ESR1: variants seen among roughly 807,000 people sequenced by gnomAD.
ESR1 encodes the protein estrogen receptor 1.
Under a neutral mutation model 52.7 loss-of-function variants are expected in ESR1, and 12 were observed. That is an observed-to-expected ratio of 0.23 (90% CI 0.15 to 0.37). ESR1 has a LOEUF of 0.37. Among genes scored for constraint, ESR1 ranks in the 10% least tolerant of loss-of-function variants. The probability of loss-of-function intolerance (pLI) is 1.00; values close to 1 mark genes in which losing one functional copy is unlikely to be tolerated. For missense variants in ESR1, 584 were observed against 779.7 expected, an observed-to-expected ratio of 0.75 and a Z score of 2.99; for synonymous variants, 305 against 316.8, an observed-to-expected ratio of 0.96 and a Z score of 0.39.
At chr6:151,705,540 C>A (rs957196869) in intron 2 of ESR1, among the ~76,000 whole-genome samples, 2 of 152,126 alleles carry the variant, frequency 1.3e-5, no homozygotes, top group Admixed American at 1.3e-4. Context: ...CATGAATAAT[C>A]AAGAACTGAC....
intron 5 of ESR1, among the ~76,000 whole-genome samples, chr6:152,056,574 G>A (rs35508695): frequency 0.053 from 8,093 of 152,232 alleles, 291 homozygotes; most frequent in South Asian, 0.096. Flanking sequence ...TGAAAAACAG[G>A]CTTTTATTTT....
intron 5 of ESR1, among the ~76,000 whole-genome samples, chr6:152,034,526 A>T (rs534858612): frequency 1.8e-4 from 27 of 151,738 alleles, no homozygotes; most frequent in Non-Finnish European, 2.8e-4. Context: ...CTATGTTCTG[A>T]ATGTTTTTCC....
chr6:151,727,660 A>G (rs574041211), intron 2 of ESR1, among the ~76,000 whole-genome samples: 32 of 152,084 alleles, frequency 2.1e-4, no homozygotes, highest in Non-Finnish European at 3.7e-4. Context: ...TCCCACCCAA[A>G]TCTCATCTTG....
chr6:151,861,595 C>T (rs956893430), intron 2 of ESR1, among the ~76,000 whole-genome samples: 9 of 152,124 alleles, frequency 5.9e-5, no homozygotes, highest in Non-Finnish European at 8.8e-5. Flanking sequence ...GAGGTGACCA[C>T]GTTCACTGCA....
At chr6:152,066,080 G>A (rs2047941087) in intron 6 of ESR1, among the ~76,000 whole-genome samples, 1 of 152,192 alleles carries the variant, frequency 6.6e-6, no homozygotes, top group Non-Finnish European at 1.5e-5. Context: ...GCCAGCTGCT[G>A]TCTGCCATAT....
At chr6:151,795,527 T>C (rs2128136254) in intron 2 of ESR1, among the ~76,000 whole-genome samples, 1 of 151,652 alleles carries the variant, frequency 6.6e-6, no homozygotes, top group East Asian at 1.9e-4. Context: ...GATAGATTAC[T>C]TGGCCTCAAT....
At chr6:151,735,103 A>G (rs1782545357) in intron 2 of ESR1, among the ~76,000 whole-genome samples, 2 of 152,194 alleles carry the variant, frequency 1.3e-5, no homozygotes, top group African/African-American at 2.4e-5. Context: ...CAAGGATGCT[A>G]TCTTTCATGG....
chr6:151,922,475 A>C (rs1403435545), intron 3 of ESR1, among the ~76,000 whole-genome samples: 1 of 152,138 alleles, frequency 6.6e-6, no homozygotes, highest in Non-Finnish European at 1.5e-5. Context: ...GAACCCATGA[A>C]TATTTATGCT....
At chr6:151,949,605 G>A (rs1451337592) in intron 4 of ESR1, among the ~76,000 whole-genome samples, 1 of 152,214 alleles carries the variant, frequency 6.6e-6, no homozygotes, top group Non-Finnish European at 1.5e-5. Flanking sequence ...CTTAGGATTG[G>A]GCTGGAATCG....
intron 3 of ESR1, among the ~76,000 whole-genome samples, chr6:151,898,858 T>G (rs1795995890): frequency 6.6e-6 from 1 of 152,204 alleles, no homozygotes; most frequent in Admixed American, 6.5e-5. Flanking sequence ...CTTTCCCCCC[T>G]TTCTATTCCA....
At chr6:151,816,369 A>C (rs1779649100) in intron 1 of ESR1, among the ~76,000 whole-genome samples, 1 of 152,202 alleles carries the variant, frequency 6.6e-6, no homozygotes, top group Non-Finnish European at 1.5e-5. Context: ...AGTTGTCATC[A>C]CTGGCAAATT....
chr6:152,120,643 G>A (rs2051298887), intron 6 of ESR1, among the ~76,000 whole-genome samples: 2 of 152,148 alleles, frequency 1.3e-5, no homozygotes, highest in South Asian at 4.1e-4. Context: ...AGTTAAGGAA[G>A]CAGAGGGCAG....
chr6:152,063,160 C>T (rs138776372), intron 6 of ESR1, among the ~76,000 whole-genome samples: 2 of 152,296 alleles, frequency 1.3e-5, no homozygotes, highest in African/African-American at 4.8e-5. Flanking sequence ...TTTCATACTC[C>T]ATCCTTGTTC....
At chr6:151,956,880 AAAAT>A (rs1562594476) in intron 4 of ESR1, among the ~76,000 whole-genome samples, 333 of 32,756 alleles carry the variant, frequency 0.01, 4 homozygotes, top group Middle Eastern at 0.083. Context: ...ATATATATAT[AAAAT>A]TTTTTTTTTT....
At chr6:152,039,985 C>T (rs2045649876) in intron 5 of ESR1, among the ~76,000 whole-genome samples, 1 of 152,162 alleles carries the variant, frequency 6.6e-6, no homozygotes, top group Non-Finnish European at 1.5e-5. Flanking sequence ...GGATGGTAGT[C>T]TTGGCAGAAG....
At chr6:152,087,605 G>A (rs9479221) in intron 6 of ESR1, among the ~76,000 whole-genome samples, 55 of 152,286 alleles carry the variant, frequency 3.6e-4, no homozygotes, top group African/African-American at 1.2e-3. Flanking sequence ...TGGCTTCCAA[G>A]GTCATCCTAA....
chr6:152,113,750 C>T (rs549113067), intron 6 of ESR1, among the ~76,000 whole-genome samples: 4 of 152,220 alleles, frequency 2.6e-5, no homozygotes, highest in East Asian at 1.9e-4. Context: ...ACTAAAATAG[C>T]GTTAACTGTC....
intron 1 of ESR1, among the ~76,000 whole-genome samples, chr6:151,680,200 TTC>T (rs1404603412): frequency 1.5e-5 from 2 of 135,802 alleles, no homozygotes; most frequent in Non-Finnish European, 1.5e-5. Context: ...TTTTTTTCTT[TTC>T]TCTTTTTTTT....
At position 152,094,335 on chromosome 6, in the gene ESR1, A is replaced by T. The variant is rs776382505; in HGVS notation, c.1370-50A>T. Reference sequence around the variant, plus strand: ...CCCATGAACACTCTGGGTCTCCTAGACCTCATCCTCTTTGAGCTTCTCTCT... The same window carrying T: ...CCCATGAACACTCTGGGTCTCCTAGTCCTCATCCTCTTTGAGCTTCTCTCT... On this transcript the variant is annotated intron_variant, in intron 6 of 7. Transcript: ENST00000206249. The surrounding 1 kb of genome is among the most constrained non-coding windows in gnomAD (Gnocchi z 4.6). 2 of 1,493,586 alleles carry T rather than the reference A, an allele frequency of 1.3e-6. No homozygotes were observed. The highest frequency in any genetic ancestry group is 1.9e-6 in the Non-Finnish European group (2 of 1,070,746). The allele number at this position is 1,493,586 out of a possible 1,614,324, so 92.5% of individuals were successfully genotyped here. A position where few individuals can be genotyped will look rare whatever the true frequency, so the allele number is the denominator to read the frequency against.
Sources: allele counts gnomAD v4.1 joint callset (sites outside exome capture counted in the v4.1 genomes callset), GRCh38; gene constraint gnomAD v4.1.1; non-coding constraint Gnocchi (gnomAD v3.1); transcripts MANE v1.5; gene names NCBI Gene and HGNC (gene_info 2026-07-23, HGNC 2026-07-21).